The following PADI2 variants were observed in gnomAD, a reference collection of about 807,000 sequenced individuals.
The protein encoded by PADI2 is peptidyl arginine deiminase 2, also known as protein-arginine deiminase type-2.
A neutral mutation model predicts 81.1 loss-of-function variants in PADI2; 70 were observed. The ratio of observed to expected loss-of-function variants is 0.86; its 90% CI spans 0.71 to 1.05. The LOEUF is 1.05. Among genes scored for constraint, PADI2 ranks in the 50% least tolerant of loss-of-function variants. The pLI is 0.00. For missense variants in PADI2, 853 were observed against 889.9 expected (o/e 0.96, Z 0.53); for synonymous variants, 338 against 358.0 (o/e 0.94, Z 0.63).
chr1:17,079,205 A>G, intron 11 of PADI2, 59 bp downstream of exon 11: 1 of 1,532,280 alleles, frequency 6.5e-7, no homozygotes, highest in Non-Finnish European at 8.9e-7. Context: ...GCCACCCCAA[A>G]AGAGAAACAG....
chr1:17,090,515 A>G (rs927190202), intron 6 of PADI2, among the ~76,000 whole-genome samples: 1 of 149,796 alleles, frequency 6.7e-6, no homozygotes, highest in African/African-American at 2.5e-5. Context: ...ATTTGACATA[A>G]CTCCAAAGTG....
rs149369913 is a variant in PADI2, at chr1:17,069,187, G to A, written c.1855C>T (p.Arg619Cys). ...AGGCCCAGGGGCTCCAGGAGGCCAC[G>A]CACGTGCATCTCCAGGCAGCATTCC... The part of the protein sequence containing the change: ...EEECCLEMHV[R>C]GLLEPLGLEC... Residue 619 changes from arginine to cysteine, a missense_variant, in exon 16 of 16, where the codon CGT (arginine) becomes TGT (cysteine). By Grantham distance (180) the Arg-to-Cys change is radical. Coordinates refer to ENST00000375486, the MANE Select transcript of PADI2 (RefSeq NM_007365.3). 2.3e-4 allele frequency: 366 copies of A among 1,614,080 alleles called. 2 individuals are homozygous for A. Among genetic ancestry groups the A allele is most frequent in the Admixed American group, 3.5e-4 (21 of 60,012 alleles).
At chr1:17,107,161 C>T (rs921813999) in intron 1 of PADI2, among the ~76,000 whole-genome samples, 1 of 152,180 alleles carries the variant, frequency 6.6e-6, no homozygotes, top group African/African-American at 2.4e-5. Flanking sequence ...GGATTTGTGA[C>T]TAAGACATAG....
chr1:17,113,343 TACCAAG>T (rs1931649921), intron 1 of PADI2, among the ~76,000 whole-genome samples: 2 of 152,286 alleles, frequency 1.3e-5, no homozygotes, highest in Non-Finnish European at 2.9e-5. Context: ...TCAGGCACTG[TACCAAG>T]CCCATGGCCC....
Position 17,069,250 on chromosome 1 carries a change from G to T in PADI2, c.1792C>A (p.Leu598Met). The T allele has an allele frequency of 1.9e-6, 3 of 1,614,186 alleles. No homozygotes were observed. Among genetic ancestry groups the T allele is most frequent in the Non-Finnish European group, 2.5e-6 (3 of 1,180,006 alleles). ...GGCCCGAATGGCTTGGGGATGCCCAGGTCCTTGTCCAGCACGATCATGTTC... is the reference window on the plus strand; with the variant it reads ...GGCCCGAATGGCTTGGGGATGCCCATGTCCTTGTCCAGCACGATCATGTTC... ...MVNMIVLDKD[L>M]GIPKPFGPQV... Residue 598 changes from leucine (L) to methionine (M), a missense_variant, in exon 16 of 16, where the codon CTG becomes ATG. Physicochemically the swap from Leu to Met is conservative, Grantham distance 15. Coordinates refer to ENST00000375486, the MANE Select transcript of PADI2 (RefSeq NM_007365.3).
At position 17,104,787 on chromosome 1, in the gene PADI2, C is replaced by T. The variant is rs2647171; in HGVS notation, c.276+91G>A. 5.4e-4 allele frequency: 592 copies of T among 1,103,410 alleles called. 4 individuals are homozygous for T. In the African/African-American group the frequency reaches 7.1e-3, roughly 13 times the overall value. The allele number at this position is 1,103,410 out of a possible 1,614,324, so 68.4% of individuals were successfully genotyped here. ...AGAACTGAAAATGACACATGGCCCA[C>T]GTGCAGTTTCTATGGGACAGGGCTG... On this transcript the variant is annotated intron_variant, in intron 2 of 15. Coordinates refer to ENST00000375486, the MANE Select transcript of PADI2 (RefSeq NM_007365.3).
intron 7 of PADI2, among the ~76,000 whole-genome samples, chr1:17,085,691 C>T (rs1203809799): frequency 6.6e-6 from 1 of 152,182 alleles, no homozygotes; most frequent in Non-Finnish European, 1.5e-5. Context: ...GGTGGTTAAA[C>T]CAGGAGTTGA....
At chr1:17,092,888 G>A (rs1449238889) in intron 5 of PADI2, among the ~76,000 whole-genome samples, 2 of 148,352 alleles carry the variant, frequency 1.3e-5, no homozygotes, top group Middle Eastern at 3.5e-3. Flanking sequence ...GGTTGAGGCT[G>A]TAGTGAGCTA....
intron 3 of PADI2, among the ~76,000 whole-genome samples, chr1:17,097,981 C>G (rs925634757): frequency 3.9e-5 from 6 of 152,194 alleles, no homozygotes; most frequent in Admixed American, 6.5e-5. Context: ...TGCTCTGCAG[C>G]TGCACAGCGT....
chr1:17,098,299 C>A (rs776698165), intron 3 of PADI2, among the ~76,000 whole-genome samples: 1 of 152,192 alleles, frequency 6.6e-6, no homozygotes, highest in South Asian at 2.1e-4. Flanking sequence ...GGTAGCCCTG[C>A]GGCCTTCGTC....
chr1:17,106,506 A>C (rs901283885), intron 1 of PADI2, among the ~76,000 whole-genome samples: 1 of 150,382 alleles, frequency 6.6e-6, no homozygotes, highest in Non-Finnish European at 1.5e-5. Flanking sequence ...GCAGTGGTGC[A>C]ATCTCAGCTC....
chr1:17,087,126 C>T (rs1001300245), intron 6 of PADI2, among the ~76,000 whole-genome samples: 1 of 152,134 alleles, frequency 6.6e-6, no homozygotes, highest in African/African-American at 2.4e-5. Context: ...AGATTCAAGT[C>T]GAATTCTGAA....
intron 4 of PADI2, 106 bp from the exon 5 acceptor site, chr1:17,093,790 C>A: frequency 1.5e-6 from 1 of 656,870 alleles, no homozygotes; most frequent in Non-Finnish European, 2.7e-6. Context: ...GTAGCCGCCA[C>A]CCACTGGGGC....
At chr1:17,108,321 G>C (rs1380685357) in intron 1 of PADI2, among the ~76,000 whole-genome samples, 2 of 152,048 alleles carry the variant, frequency 1.3e-5, no homozygotes, top group Non-Finnish European at 2.9e-5. Context: ...AGAGGACCTG[G>C]GTTTGAGTCT....
At chr1:17,104,601 T>C (rs563512983) in intron 2 of PADI2, among the ~76,000 whole-genome samples, 26 of 151,644 alleles carry the variant, frequency 1.7e-4, no homozygotes, top group Middle Eastern at 3.4e-3. Context: ...GCCTGGCTAA[T>C]CTTTTGTATT....
chr1:17,117,004 AT>A (rs1931779879), intron 1 of PADI2, among the ~76,000 whole-genome samples: 1 of 152,176 alleles, frequency 6.6e-6, no homozygotes, highest in African/African-American at 2.4e-5. Context: ...GTCTGGCAAC[AT>A]TTTTGGTTGT....
Position 17,084,642 on chromosome 1 carries a change from T to C in PADI2, c.895A>G (p.Met299Val). The change falls in exon 8 of 16, where the codon ATG becomes GTG. Residue 299 changes from methionine (M) to valine (V), a missense_variant. By Grantham distance (21) the Met-to-Val change is conservative (BLOSUM62 1). Transcript: ENST00000375486. ...ACGGGAGGCAGGATGTTGGGGGTCA[T>C]GATCCACGGAGCAATCCGGAATATC... Reference protein sequence around the residue: ...TVIFRIAPWIMTPNILPPVSV... With the variant: ...TVIFRIAPWIVTPNILPPVSV... 1 of 1,581,232 alleles carries C rather than the reference T, an allele frequency of 6.3e-7. No homozygotes were observed. Among genetic ancestry groups the C allele is most frequent in the East Asian group, 2.3e-5 (1 of 42,664 alleles).
At chr1:17,091,563 G>A (rs1037173342) in intron 6 of PADI2, among the ~76,000 whole-genome samples, 2 of 151,810 alleles carry the variant, frequency 1.3e-5, no homozygotes, top group Non-Finnish European at 2.9e-5. Flanking sequence ...CTCTAAACTG[G>A]TCTCCTCCTC....
chr1:17,119,056 CTG>C lies in PADI2; in HGVS notation c.92+222_92+223del, dbSNP rs952705428. Among the ~76,000 whole-genome samples the C allele has an allele frequency of 4.0e-5, 6 of 151,880 alleles. No individual in the cohort carries two copies. The highest frequency in any genetic ancestry group is 3.3e-4 in the Admixed American group (5 of 15,236). ...GTCTGTGAGGGAGCTGGGGCTGAGGCTGTGTTAGGGGGTCTGGGAGAGTCTCA... is the reference window on the plus strand; with the variant it reads ...GTCTGTGAGGGAGCTGGGGCTGAGGCTGTTAGGGGGTCTGGGAGAGTCTCA... On this transcript the variant is annotated intron_variant, in intron 1 of 15. Coordinates refer to ENST00000375486, the MANE Select transcript of PADI2 (RefSeq NM_007365.3). This position sits in a 1 kb window ranked among gnomAD's most constrained non-coding sequence, Gnocchi z 4.8.
Sources: gnomAD v4.1 joint callset for allele counts (sites outside exome capture counted in the v4.1 genomes callset) on GRCh38, gnomAD v4.1.1 for gene constraint, Gnocchi (gnomAD v3.1) non-coding constraint, MANE v1.5 for transcripts, NCBI Gene and HGNC (gene_info 2026-07-23, HGNC 2026-07-21) for gene names.